Variants in SPATA13 observed in about 807,000 individuals in gnomAD.
The protein encoded by SPATA13 is spermatogenesis associated 13.
Under a neutral mutation model 104.0 loss-of-function variants are expected in SPATA13, and 50 were observed. The observed-to-expected ratio is 0.48, with a 90% CI of 0.38 to 0.61. The LOEUF is 0.61. Ranked by LOEUF, SPATA13 falls within the 20% of genes least tolerant of loss-of-function variation. The pLI is 0.00. For synonymous variants in SPATA13, 606 were observed against 667.5 expected (o/e 0.91, Z 1.42); for missense variants, 1,524 against 1,690.6 (o/e 0.90, Z 1.73).
rs1877591999 is a variant in SPATA13, at chr13:24,306,621, A to G, written c.*3848A>G. On this transcript the variant is annotated 3_prime_UTR_variant, in exon 13 of 13. Transcript: ENST00000382108. ...AAGGCTTTGGAAAAATAAGTGGAAC[A>G]TGACTGATCTTGAAAAAAAAAGCAA... 1 of 152,220 alleles carries G rather than the reference A, an allele frequency of 6.6e-6. No homozygotes were observed. The highest frequency in any genetic ancestry group is 2.4e-5 in the African/African-American group (1 of 41,460). The allele number at this position is 152,220 out of a possible 1,614,324, so 9.4% of individuals were successfully genotyped here. A position where few individuals can be genotyped will look rare whatever the true frequency, so the allele number is the denominator to read the frequency against.
At chr13:24,211,119 A>G (rs1204691711) in intron 1 of SPATA13, among the ~76,000 whole-genome samples, 1 of 152,176 alleles carries the variant, frequency 6.6e-6, no homozygotes, top group East Asian at 1.9e-4. Flanking sequence ...TTATCCTGCA[A>G]TTTTACTGAA....
In SPATA13 at chr13:24,018,301, T is replaced by C. The variant is rs1162214100; in HGVS notation, c.-112+600T>C. ...CCACTTCATAGTTGTAAGGTCAAAA[T>C]GTCTTTTTTGATGGACAAATAGAAA... On this transcript the variant is annotated intron_variant, in intron 3 of 14. Transcript: ENST00000424834. Among the ~76,000 whole-genome samples, 10 of 152,324 alleles carry C rather than the reference T, an allele frequency of 6.6e-5. No homozygotes were observed. The East Asian group carries it at 7.7e-4, about 12-fold the overall frequency.
At chr13:24,021,442 A>C (rs533756954) in intron 3 of SPATA13, among the ~76,000 whole-genome samples, 2 of 152,320 alleles carry the variant, frequency 1.3e-5, no homozygotes, top group African/African-American at 4.8e-5. Context: ...ACAGTGAGCT[A>C]TGATTGTACC....
chr13:24,225,814 AG>A (rs993499245), intron 2 of SPATA13, among the ~76,000 whole-genome samples: 2 of 152,222 alleles, frequency 1.3e-5, no homozygotes, highest in African/African-American at 4.8e-5. Context: ...TGAGCTGGCC[AG>A]GAATTTGTTG....
intron 3 of SPATA13, among the ~76,000 whole-genome samples, chr13:24,027,142 T>G (rs1877261522): frequency 1.4e-5 from 2 of 145,702 alleles, no homozygotes; most frequent in South Asian, 4.4e-4. Context: ...CCGTTTTTTT[T>G]TTTTTTTTTT....
Position 24,302,734 on chromosome 13 carries a change from C to T in SPATA13, c.3795C>T (p.Phe1265=). The change falls in exon 13 of 13, where the codon TTC becomes TTT. Residue 1265 remains phenylalanine, a synonymous_variant. Transcript: ENST00000382108. ...AACCCAAGAGGAAGTCCTCGCTCTT[C>T]TGGCACACCTTCAACAGGCTCACCC... The part of the protein sequence containing the change: ...LAEPKRKSSL[F]WHTFNRLTPF... 6.2e-7 allele frequency: 1 copy of T among 1,614,194 alleles called. No individual in the cohort carries two copies. Among genetic ancestry groups the T allele is most frequent in the South Asian group, 1.1e-5 (1 of 91,086 alleles).
chr13:24,183,401 T>C (rs1342480086), intron 1 of SPATA13, among the ~76,000 whole-genome samples: 1 of 152,174 alleles, frequency 6.6e-6, no homozygotes, highest in Non-Finnish European at 1.5e-5. Flanking sequence ...TGCCTTAAGC[T>C]TAGTACACAA....
intron 3 of SPATA13, among the ~76,000 whole-genome samples, chr13:24,029,405 G>A (rs1004314726): frequency 2.0e-5 from 3 of 152,182 alleles, no homozygotes; most frequent in Non-Finnish European, 4.4e-5. Context: ...CCAAATCCAT[G>A]TTAGGGCTGG....
At chr13:24,150,430 A>G (rs975777473) in intron 3 of SPATA13, among the ~76,000 whole-genome samples, 1 of 152,164 alleles carries the variant, frequency 6.6e-6, no homozygotes, top group Non-Finnish European at 1.5e-5. Context: ...CTCTGGGGAG[A>G]CCTGGTTCAG....
intron 7 of SPATA13, among the ~76,000 whole-genome samples, chr13:24,288,571 G>A (rs1271424358): frequency 7.5e-6 from 1 of 133,372 alleles, no homozygotes; most frequent in Non-Finnish European, 1.7e-5. Flanking sequence ...TGGGTAAGAG[G>A]AATCCTTGCC....
At chr13:24,083,737 A>G (rs1325319069) in intron 3 of SPATA13, among the ~76,000 whole-genome samples, 3 of 152,218 alleles carry the variant, frequency 2.0e-5, no homozygotes, top group Admixed American at 1.3e-4. Context: ...GAAAGACTGC[A>G]CTTGCTGGTT....
At chr13:24,068,982 T>C (rs186959919) in intron 3 of SPATA13, among the ~76,000 whole-genome samples, 156 of 152,360 alleles carry the variant, frequency 1.0e-3, no homozygotes, top group Admixed American at 2.4e-3. Context: ...GTTGATAGTT[T>C]ATTTTTCTGT....
intron 1 of SPATA13, among the ~76,000 whole-genome samples, chr13:24,220,270 G>C (rs544237929): frequency 2.6e-5 from 4 of 152,294 alleles, no homozygotes; most frequent in South Asian, 4.1e-4. Flanking sequence ...TTGGGCCCTT[G>C]TTTCCTTCTT....
intron 3 of SPATA13, among the ~76,000 whole-genome samples, chr13:24,135,718 A>T (rs1473235258): frequency 7.1e-6 from 1 of 140,542 alleles, no homozygotes; most frequent in Non-Finnish European, 1.6e-5. Context: ...AAAAAAAAAA[A>T]GAGTATTTTT....
intron 3 of SPATA13, among the ~76,000 whole-genome samples, chr13:24,101,917 A>G (rs923385196): frequency 2.0e-5 from 3 of 152,150 alleles, no homozygotes; most frequent in African/African-American, 7.2e-5. Flanking sequence ...TCTTTTGGCT[A>G]TTGTTTATAA....
At chr13:24,120,136 C>A (rs911935124) in intron 3 of SPATA13, among the ~76,000 whole-genome samples, 1 of 152,126 alleles carries the variant, frequency 6.6e-6, no homozygotes, top group African/African-American at 2.4e-5. Flanking sequence ...CAGTCCTCAG[C>A]CCTGTCTCCC....
chr13:24,039,036 G>T (rs576989603), intron 3 of SPATA13, among the ~76,000 whole-genome samples: 83 of 152,266 alleles, frequency 5.5e-4, no homozygotes, highest in Non-Finnish European at 7.9e-4. Context: ...TATCAGAGAC[G>T]ATTAAAAAAG....
intron 1 of SPATA13, among the ~76,000 whole-genome samples, chr13:24,182,031 A>G (rs1868850093): frequency 6.6e-6 from 1 of 152,182 alleles, no homozygotes; most frequent in South Asian, 2.1e-4. Flanking sequence ...CATGTAATAA[A>G]TGTTTGAATA....
chr13:24,277,941 G>T (rs1294081978), intron 4 of SPATA13, among the ~76,000 whole-genome samples: 1 of 152,152 alleles, frequency 6.6e-6, no homozygotes, highest in African/African-American at 2.4e-5. Flanking sequence ...CTTGAATTAT[G>T]GGACAGGAAC....
Sources: gnomAD v4.1 joint callset for allele counts (sites outside exome capture counted in the v4.1 genomes callset) on GRCh38, gnomAD v4.1.1 for gene constraint, MANE v1.5 for transcripts, NCBI Gene and HGNC (gene_info 2026-07-23, HGNC 2026-07-21) for gene names.